Variants in GALNT17 observed in about 807,000 individuals in gnomAD.
The protein encoded by GALNT17 is UDP-GalNAc:polypeptide N-acetylgalactosaminyltransferase-like 3.
GALNT17 carries 29 observed loss-of-function variants against 63.7 expected under a neutral mutation model. The observed-to-expected ratio is 0.46, with a 90% CI of 0.34 to 0.62. The LOEUF (loss-of-function observed/expected upper bound fraction) is 0.62. Ranked by LOEUF, GALNT17 falls within the 20% of genes least tolerant of loss-of-function variation. The probability of loss-of-function intolerance (pLI) is 0.01; values close to 1 mark genes in which losing one functional copy is unlikely to be tolerated. For synonymous variants in GALNT17, 305 were observed against 318.3 expected, an observed-to-expected ratio of 0.96 and a Z score of 0.45; for missense variants, 603 against 799.6, an observed-to-expected ratio of 0.75 and a Z score of 2.97.
chr7:71,567,824 G>A (rs1789374635), intron 5 of GALNT17, among the ~76,000 whole-genome samples: 1 of 152,174 alleles, frequency 6.6e-6, no homozygotes, highest in Non-Finnish European at 1.5e-5. Flanking sequence ...ATAGTCTTCG[G>A]TGGCAGCACC....
intron 9 of GALNT17, among the ~76,000 whole-genome samples, chr7:71,688,669 A>G (rs1327088261): frequency 6.6e-6 from 1 of 152,204 alleles, no homozygotes; most frequent in Non-Finnish European, 1.5e-5. Flanking sequence ...CCTTTCAACA[A>G]TATTCACAAC....
chr7:71,288,925 C>T (rs1202040240), intron 1 of GALNT17, among the ~76,000 whole-genome samples: 1 of 152,166 alleles, frequency 6.6e-6, no homozygotes, highest in East Asian at 1.9e-4. Context: ...TGATTTGGCT[C>T]ATGTGCTTAA....
chr7:71,467,002 T>C (rs556263792), intron 5 of GALNT17, among the ~76,000 whole-genome samples: 1 of 152,142 alleles, frequency 6.6e-6, no homozygotes, highest in East Asian at 1.9e-4. Context: ...GCCCTTAACC[T>C]GGGCAAAACA....
intron 5 of GALNT17, among the ~76,000 whole-genome samples, chr7:71,432,490 T>A (rs551320828): frequency 6.6e-6 from 1 of 152,280 alleles, no homozygotes; most frequent in African/African-American, 2.4e-5. Context: ...GACACTCTTA[T>A]CAGGTAGGAT....
At chr7:71,700,744 C>A (rs913013686) in intron 9 of GALNT17, among the ~76,000 whole-genome samples, 2 of 152,224 alleles carry the variant, frequency 1.3e-5, no homozygotes, top group Non-Finnish European at 2.9e-5. Context: ...CTCTGGGAAT[C>A]CTTCTTTGAC....
At chr7:71,581,408 C>T (rs1257569882) in intron 6 of GALNT17, among the ~76,000 whole-genome samples, 1 of 152,074 alleles carries the variant, frequency 6.6e-6, no homozygotes, top group Non-Finnish European at 1.5e-5. Context: ...GATCCACCCG[C>T]CTTGGCCTCC....
At chr7:71,575,220 C>T (rs764829400) in intron 6 of GALNT17, among the ~76,000 whole-genome samples, 4 of 152,068 alleles carry the variant, frequency 2.6e-5, no homozygotes, top group Non-Finnish European at 5.9e-5. Flanking sequence ...CCATCCCCAC[C>T]GCCTGAATAA....
chr7:71,593,502 G>T (rs1015167558), intron 6 of GALNT17, among the ~76,000 whole-genome samples: 5 of 152,054 alleles, frequency 3.3e-5, no homozygotes, highest in African/African-American at 1.2e-4. Flanking sequence ...TTGACCACGT[G>T]ATCTGCCCAT....
intron 5 of GALNT17, among the ~76,000 whole-genome samples, chr7:71,552,011 T>TTTATTTA (rs200735735): frequency 0.36 from 1,352 of 3,728 alleles, 8 homozygotes; most frequent in Non-Finnish European, 0.48. Context: ...GGTTGCTCTT[T>TTTATTTA]TTATTTATTT....
intron 9 of GALNT17, among the ~76,000 whole-genome samples, chr7:71,693,916 T>C (rs1562739368): frequency 6.6e-6 from 1 of 152,150 alleles, no homozygotes; most frequent in Non-Finnish European, 1.5e-5. Context: ...TCGGGGAAGC[T>C]AATATCCACA....
chr7:71,657,960 G>A (rs971478247), intron 6 of GALNT17, among the ~76,000 whole-genome samples: 21 of 151,990 alleles, frequency 1.4e-4, no homozygotes, highest in Admixed American at 1.0e-3. Flanking sequence ...GCTGGAGTGC[G>A]GTGGCATCAT....
intron 5 of GALNT17, among the ~76,000 whole-genome samples, chr7:71,477,335 T>C (rs887382101): frequency 6.6e-6 from 1 of 152,140 alleles, no homozygotes; most frequent in Non-Finnish European, 1.5e-5. Flanking sequence ...TGAGCCATGA[T>C]TGTGCCACGG....
chr7:71,448,906 G>C (rs1294906614), intron 5 of GALNT17, among the ~76,000 whole-genome samples: 1 of 152,052 alleles, frequency 6.6e-6, no homozygotes, highest in Non-Finnish European at 1.5e-5. Context: ...CAGGTAGCCA[G>C]TGGGGGTAAT....
intron 5 of GALNT17, among the ~76,000 whole-genome samples, chr7:71,427,013 A>G (rs1786771770): frequency 6.6e-6 from 1 of 152,140 alleles, no homozygotes; most frequent in Non-Finnish European, 1.5e-5. Context: ...ATGATAATAT[A>G]CCAATTATTA....
rs556653628 is a variant in GALNT17, at chr7:71,399,556, T to TTTG, written c.589+11162_589+11164dup. On this transcript the variant is annotated intron_variant, in intron 3 of 10. Coordinates refer to ENST00000333538, the MANE Select transcript of GALNT17 (RefSeq NM_022479.3). Reference sequence around the variant, plus strand: ...CCTCTGGCTTTGGAGGGTTATGGTTTTTGTTGTTGCTGTTTGTCTATTTTA... The same window carrying TTTG: ...CCTCTGGCTTTGGAGGGTTATGGTTTTTGTTGTTGTTGCTGTTTGTCTATTTTA... 8.8e-3 allele frequency among the ~76,000 whole-genome samples: 1,347 copies of TTTG among 152,310 alleles called. 19 individuals carry two copies. Among genetic ancestry groups the TTTG allele is most frequent in the African/African-American group, 0.031 (1,275 of 41,550 alleles).
At chr7:71,187,577 C>G (rs768623696) in intron 1 of GALNT17, among the ~76,000 whole-genome samples, 5 of 151,964 alleles carry the variant, frequency 3.3e-5, no homozygotes, top group Admixed American at 1.3e-4. Context: ...ATTTCCACCT[C>G]CCCCCTCATC....
chr7:71,544,124 C>CTTTTTTTTTTTTTTT (rs60144462), intron 5 of GALNT17, among the ~76,000 whole-genome samples: 5 of 132,422 alleles, frequency 3.8e-5, no homozygotes, highest in Non-Finnish European at 4.7e-5. Context: ...TTTCTTTTTT[C>CTTTTTTTTTTTTTTT]TTTTTTTTTT....
intron 2 of GALNT17, among the ~76,000 whole-genome samples, chr7:71,379,876 G>A (rs986273123): frequency 2.8e-4 from 42 of 152,186 alleles, no homozygotes; most frequent in African/African-American, 8.9e-4. Flanking sequence ...CCCAGGACCC[G>A]TTTATGAAGA....
intron 9 of GALNT17, among the ~76,000 whole-genome samples, chr7:71,695,866 C>A (rs1791532711): frequency 6.6e-6 from 1 of 152,184 alleles, no homozygotes; most frequent in African/African-American, 2.4e-5. Flanking sequence ...CTCAGGACAG[C>A]CTAGAGGGGC....
Sources: allele counts gnomAD v4.1 joint callset (sites outside exome capture counted in the v4.1 genomes callset), GRCh38; gene constraint gnomAD v4.1.1; transcripts MANE v1.5; gene names NCBI Gene and HGNC (gene_info 2026-07-23, HGNC 2026-07-21).